Variants in AP2B1 observed in about 807,000 individuals in gnomAD.
AP2B1 encodes the protein adaptor related protein complex 2 subunit beta 1, also known as AP-2 complex subunit beta.
Under a neutral mutation model 102.0 loss-of-function variants are expected in AP2B1, and 23 were observed. That is an observed-to-expected ratio of 0.23 (90% CI 0.16 to 0.32). The LOEUF (loss-of-function observed/expected upper bound fraction) is 0.32. Among genes scored for constraint, AP2B1 ranks in the 10% least tolerant of loss-of-function variants. The pLI, the probability that AP2B1 is intolerant of heterozygous loss-of-function variation, is 1.00. For synonymous variants in AP2B1, 381 were observed against 421.2 expected (o/e 0.90, Z 1.17); for missense variants, 541 against 1,157.4 (o/e 0.47, Z 7.73).
intron 4 of AP2B1, among the ~76,000 whole-genome samples, chr17:35,606,169 T>C (rs932885202): frequency 2.0e-5 from 3 of 152,228 alleles, no homozygotes; most frequent in Admixed American, 6.5e-5. Flanking sequence ...ATTATACTTA[T>C]GAGTCAGCAG....
intron 18 of AP2B1, among the ~76,000 whole-genome samples, chr17:35,695,751 G>T (rs984463004): frequency 2.8e-4 from 43 of 152,120 alleles, no homozygotes; most frequent in African/African-American, 1.0e-3. Flanking sequence ...AGGCCTTTCA[G>T]CTTGCCTGAG....
intron 12 of AP2B1, among the ~76,000 whole-genome samples, chr17:35,643,042 G>C (rs973071021): frequency 1.3e-5 from 1 of 76,854 alleles, no homozygotes; most frequent in Admixed American, 1.3e-4. Context: ...TTTTTTTTTT[G>C]TACTCTGTTT....
intron 17 of AP2B1, among the ~76,000 whole-genome samples, chr17:35,679,387 C>T (rs887027771): frequency 1.3e-5 from 2 of 150,358 alleles, no homozygotes; most frequent in South Asian, 4.2e-4. Context: ...AAGGGACTTG[C>T]TACCTTTTTT....
intron 3 of AP2B1, among the ~76,000 whole-genome samples, chr17:35,604,265 G>A (rs2073587494): frequency 6.6e-6 from 1 of 151,890 alleles, no homozygotes; most frequent in Non-Finnish European, 1.5e-5. Context: ...ACACCACCAT[G>A]CCTGGCTAAT....
intron 18 of AP2B1, among the ~76,000 whole-genome samples, chr17:35,700,966 A>G (rs2076228602): frequency 6.6e-6 from 1 of 152,254 alleles, no homozygotes; most frequent in Non-Finnish European, 1.5e-5. Context: ...TGCACATGAC[A>G]TACCAAAGAA....
chr17:35,658,521 T>C (rs1175598615), intron 14 of AP2B1, among the ~76,000 whole-genome samples: 1 of 152,170 alleles, frequency 6.6e-6, no homozygotes, highest in Non-Finnish European at 1.5e-5. Flanking sequence ...AGGGTGACCA[T>C]CAATCTATGA....
At position 35,645,862 on chromosome 17, in the gene AP2B1, A is replaced by G. The variant is rs539021783; in HGVS notation, c.1536+3887A>G. The stretch of plus-strand genomic sequence containing the variant: ...TAGACTCTGTCTCAAAAAACAAAAC[A>G]AAACAAAACAAAAAAATGTCTAGAC... On this transcript the variant is annotated intron_variant, in intron 12 of 21. Coordinates refer to ENST00000610402, the MANE Select transcript of AP2B1 (RefSeq NM_001030006.2). Among the ~76,000 whole-genome samples the G allele has an allele frequency of 3.3e-5, 5 of 152,288 alleles. No homozygotes were observed. The East Asian group carries it at 7.7e-4, about 23-fold the overall frequency.
chr17:35,608,217 A>G lies in AP2B1; in HGVS notation c.355A>G (p.Thr119Ala). ...TMGCIRVDKI[T>A]EYLCEPLRKC... Reference sequence around the variant, plus strand: ...GGGGTGCATCCGGGTAGACAAAATTACAGAATATCTCTGTGAGCCGCTCCG... The same window carrying G: ...GGGGTGCATCCGGGTAGACAAAATTGCAGAATATCTCTGTGAGCCGCTCCG... Residue 119 changes from threonine (T) to alanine (A), a missense_variant, in exon 5 of 22, where the codon ACA becomes GCA. By Grantham distance (58) the Thr-to-Ala change is moderately conservative. Transcript: ENST00000610402. 1 of 1,614,180 alleles carries G rather than the reference A, an allele frequency of 6.2e-7. No individual in the cohort carries two copies. Among genetic ancestry groups the G allele is most frequent in the Non-Finnish European group, 8.5e-7 (1 of 1,180,042 alleles).
chr17:35,702,017 T>C (rs587721144), intron 18 of AP2B1, among the ~76,000 whole-genome samples: 73 of 152,342 alleles, frequency 4.8e-4, no homozygotes, highest in Non-Finnish European at 9.0e-4. Flanking sequence ...TCAGCACCTA[T>C]TCTGTGCCAG....
chr17:35,614,132 T>C (rs1237804775), intron 5 of AP2B1, among the ~76,000 whole-genome samples: 1 of 152,172 alleles, frequency 6.6e-6, no homozygotes, highest in Non-Finnish European at 1.5e-5. Flanking sequence ...AATTTGCAAC[T>C]CCAGAGATGC....
intron 17 of AP2B1, among the ~76,000 whole-genome samples, chr17:35,677,811 AC>A (rs1212484025): frequency 6.7e-6 from 1 of 150,060 alleles, no homozygotes; most frequent in African/African-American, 2.4e-5. Context: ...CACAAATCTT[AC>A]CTTTTGTCAG....
At position 35,627,455 on chromosome 17, in the gene AP2B1, G is replaced by C; in HGVS notation, c.1009G>C (p.Glu337Gln). 3 of 1,613,980 alleles carry C rather than the reference G, an allele frequency of 1.9e-6. No homozygotes were observed. Among genetic ancestry groups the C allele is most frequent in the Non-Finnish European group, 2.5e-6 (3 of 1,179,994 alleles). Residue 337 changes from glutamate to glutamine, a missense_variant, in exon 8 of 22, where the codon GAG becomes CAG. Coordinates refer to ENST00000610402, the MANE Select transcript of AP2B1 (RefSeq NM_001030006.2). ...CAATGATCCCATCTATGTTAAACTA[G>C]AGAAGTTGGACATCATGATTCGTTT... ...KYNDPIYVKL[E>Q]KLDIMIRLAS...
chr17:35,667,279 A>G (rs554349032), intron 14 of AP2B1, among the ~76,000 whole-genome samples: 8 of 152,338 alleles, frequency 5.3e-5, no homozygotes, highest in Admixed American at 4.6e-4. Context: ...TAGTCCGCAT[A>G]AGCTGTAGTC....
rs71152739 is a variant in AP2B1, at chr17:35,616,142, C to CTTTTTTTTTTT, written c.525+7784_525+7794dup. ...TGAACTTAGGTTTTAAAAAATATCT[C>CTTTTTTTTTTT]TTTTTTTTTTTTTTTTTTTTTTTTT... On this transcript the variant is annotated intron_variant, in intron 5 of 21. Transcript: ENST00000610402. Among the ~76,000 whole-genome samples the CTTTTTTTTTTT allele has an allele frequency of 1.0e-4, 6 of 57,436 alleles. 1 individual carries two copies. Among genetic ancestry groups the CTTTTTTTTTTT allele is most frequent in the Admixed American group, 3.0e-4 (1 of 3,294 alleles). 37.7% of individuals were successfully genotyped at this position (57,436 alleles called of 152,430 possible). A position where few individuals can be genotyped will look rare whatever the true frequency, so the allele number is the denominator to read the frequency against.
At chr17:35,587,755 G>T (rs1011371708) in intron 1 of AP2B1, 4 of 152,282 alleles carry the variant, frequency 2.6e-5, no homozygotes, top group African/African-American at 9.7e-5. Context: ...CCTGGAGGCC[G>T]TGGGGGGAAC....
chr17:35,644,888 G>A (rs771186965), intron 12 of AP2B1, among the ~76,000 whole-genome samples: 19 of 152,048 alleles, frequency 1.2e-4, no homozygotes, highest in Non-Finnish European at 2.2e-4. Context: ...AAAAATTAGC[G>A]GAGCATAGTG....
In AP2B1 at chr17:35,718,228, A is replaced by G. The variant is rs2143012218; in HGVS notation, c.2781+879A>G. Among the ~76,000 whole-genome samples, 3 of 152,188 alleles carry G rather than the reference A, an allele frequency of 2.0e-5. No individual in the cohort carries two copies. In the South Asian group the frequency reaches 6.2e-4, roughly 32 times the overall value. On this transcript the variant is annotated intron_variant, in intron 21 of 21. Coordinates refer to ENST00000610402, the MANE Select transcript of AP2B1 (RefSeq NM_001030006.2). Reference sequence around the variant, plus strand: ...CAGCTAAGTCTGTTTTCACTAGCATATATCAAGGGAATAGTACCATCCAGA... The same window carrying G: ...CAGCTAAGTCTGTTTTCACTAGCATGTATCAAGGGAATAGTACCATCCAGA...
At chr17:35,614,469 C>T (rs912946512) in intron 5 of AP2B1, among the ~76,000 whole-genome samples, 3 of 151,980 alleles carry the variant, frequency 2.0e-5, no homozygotes, top group Non-Finnish European at 4.4e-5. Flanking sequence ...AGATTATAGG[C>T]GTGAGCCACC....
intron 18 of AP2B1, among the ~76,000 whole-genome samples, chr17:35,697,212 G>A (rs1320060386): frequency 1.3e-5 from 2 of 152,204 alleles, no homozygotes; most frequent in Non-Finnish European, 2.9e-5. Flanking sequence ...AGTAGGCAGA[G>A]CAAATATTAG....
Sources: allele counts gnomAD v4.1 joint callset (sites outside exome capture counted in the v4.1 genomes callset), GRCh38; gene constraint gnomAD v4.1.1; transcripts MANE v1.5; gene names NCBI Gene and HGNC (gene_info 2026-07-23, HGNC 2026-07-21).